The following PDE1A variants were observed in gnomAD, a reference collection of about 807,000 sequenced individuals.
PDE1A encodes the protein phosphodiesterase 1A.
Under a neutral mutation model 61.7 loss-of-function variants are expected in PDE1A, and 35 were observed. The ratio of observed to expected loss-of-function variants is 0.57; its 90% CI spans 0.43 to 0.75. The LOEUF is 0.75. PDE1A is among the 30% of genes least tolerant of loss of function. PDE1A has a pLI of 0.00. For synonymous variants in PDE1A, 232 were observed against 213.2 expected, an observed-to-expected ratio of 1.09 and a Z score of -0.77; for missense variants, 597 against 630.6, an observed-to-expected ratio of 0.95 and a Z score of 0.57.
At chr2:182,517,474 A>C (rs1559535204) in intron 2 of PDE1A, among the ~76,000 whole-genome samples, 1 of 152,192 alleles carries the variant, frequency 6.6e-6, no homozygotes, top group East Asian at 1.9e-4. Context: ...ATTGACTTAA[A>C]ATATTAATTG....
intron 2 of PDE1A, among the ~76,000 whole-genome samples, chr2:182,252,085 C>A (rs780762481): frequency 6.6e-6 from 1 of 152,056 alleles, no homozygotes; most frequent in African/African-American, 2.4e-5. Flanking sequence ...TATAGTGTGT[C>A]CTTCACAAAT....
At chr2:182,501,450 G>A (rs1263351451) in intron 2 of PDE1A, among the ~76,000 whole-genome samples, 2 of 152,172 alleles carry the variant, frequency 1.3e-5, no homozygotes, top group East Asian at 1.9e-4. Flanking sequence ...AGATCTGCCT[G>A]CTTTGTTTTC....
At chr2:182,531,690 T>G in the PDE1A span, among the ~76,000 whole-genome samples, 1 of 152,246 alleles carries the variant, frequency 6.6e-6, no homozygotes, top group African/African-American at 2.4e-5. Flanking sequence ...TATAGTCATA[T>G]AATCTAATAT....
chr2:182,159,994 AACACTTTATAT>A (rs1406657389), intron 13 of PDE1A, among the ~76,000 whole-genome samples: 9 of 152,170 alleles, frequency 5.9e-5, no homozygotes, highest in African/African-American at 1.7e-4. Context: ...CCAAGTTCTA[AACACTTTATAT>A]ACATTGACTC....
At chr2:182,448,061 C>T (rs1685258320) in intron 2 of PDE1A, among the ~76,000 whole-genome samples, 1 of 151,760 alleles carries the variant, frequency 6.6e-6, no homozygotes, top group South Asian at 2.1e-4. Context: ...CCAGTCATGC[C>T]TTATGATGAC....
the PDE1A span, among the ~76,000 whole-genome samples, chr2:182,577,441 C>T: frequency 6.6e-6 from 1 of 152,160 alleles, no homozygotes; most frequent in African/African-American, 2.4e-5. Context: ...TGGCAAAGCT[C>T]GGACAGCCAG....
intron 2 of PDE1A, among the ~76,000 whole-genome samples, chr2:182,503,321 C>T (rs995784031): frequency 1.3e-5 from 2 of 152,072 alleles, no homozygotes; most frequent in Non-Finnish European, 2.9e-5. Flanking sequence ...CTTTATTTTC[C>T]ACAAAATGGT....
chr2:182,462,473 T>C (rs1217379042), intron 2 of PDE1A, among the ~76,000 whole-genome samples: 1 of 152,034 alleles, frequency 6.6e-6, no homozygotes, highest in Non-Finnish European at 1.5e-5. Flanking sequence ...TAGGCTTGAT[T>C]GTGGAGAGGG....
intron 10 of PDE1A, among the ~76,000 whole-genome samples, chr2:182,191,143 C>T (rs1242861963): frequency 6.6e-6 from 1 of 151,844 alleles, no homozygotes; most frequent in Non-Finnish European, 1.5e-5. Context: ...TTTTTCCTAG[C>T]AAGGAATTGA....
At chr2:182,491,153 CA>C (rs1464037148) in intron 2 of PDE1A, among the ~76,000 whole-genome samples, 1 of 152,122 alleles carries the variant, frequency 6.6e-6, no homozygotes, top group African/African-American at 2.4e-5. Context: ...TGGTGGACAA[CA>C]AATAGGGTGC....
the PDE1A span, among the ~76,000 whole-genome samples, chr2:182,563,195 T>C: frequency 7.5e-3 from 1,138 of 152,286 alleles, 12 homozygotes; most frequent in Admixed American, 0.013. Context: ...GGGCATTTAG[T>C]GCTATAAATT....
At chr2:182,649,767 G>A in the PDE1A span, among the ~76,000 whole-genome samples, 10 of 151,948 alleles carry the variant, frequency 6.6e-5, no homozygotes, top group African/African-American at 2.2e-4. Context: ...CTGCCACCAC[G>A]TCCGGCTAAT....
chr2:182,176,605 T>C (rs1559140395), intron 13 of PDE1A, among the ~76,000 whole-genome samples: 1 of 149,102 alleles, frequency 6.7e-6, no homozygotes, highest in Non-Finnish European at 1.5e-5. Flanking sequence ...TGGGGTTTTC[T>C]AGATATACAA....
chr2:182,469,248 G>C (rs1686872796), intron 2 of PDE1A, among the ~76,000 whole-genome samples: 1 of 151,962 alleles, frequency 6.6e-6, no homozygotes, highest in Non-Finnish European at 1.5e-5. Flanking sequence ...AAAATCTGTT[G>C]TTTAGTGTAG....
At chr2:182,257,663 G>A (rs777883221) in intron 2 of PDE1A, among the ~76,000 whole-genome samples, 29 of 152,160 alleles carry the variant, frequency 1.9e-4, no homozygotes, top group Non-Finnish European at 4.0e-4. Context: ...TAACATAGGG[G>A]TTGATCCTTA....
intron 1 of PDE1A, among the ~76,000 whole-genome samples, chr2:182,352,945 T>C (rs1698974026): frequency 6.6e-6 from 1 of 152,140 alleles, no homozygotes; most frequent in Non-Finnish European, 1.5e-5. Flanking sequence ...ATGTGAGACA[T>C]ACATAAAAAT....
downstream of PDE1A, among the ~76,000 whole-genome samples, chr2:182,165,102 T>C (rs1488451899): frequency 6.6e-6 from 1 of 152,158 alleles, no homozygotes; most frequent in Non-Finnish European, 1.5e-5. Flanking sequence ...CAGAAGGTTG[T>C]ATATGTTCTG....
chr2:182,459,331 C>T (rs1686124948), intron 2 of PDE1A, among the ~76,000 whole-genome samples: 1 of 152,066 alleles, frequency 6.6e-6, no homozygotes, highest in Non-Finnish European at 1.5e-5. Flanking sequence ...TTATAAGCCT[C>T]CCCCTTGAGA....
At chr2:182,527,727 T>C (rs1690799013), upstream of PDE1A, among the ~76,000 whole-genome samples, 1 of 152,094 alleles carries the variant, frequency 6.6e-6, no homozygotes, top group Non-Finnish European at 1.5e-5. Context: ...TCATTTTGAA[T>C]TGTAGCTCCC....
Sources: gnomAD v4.1 joint callset for allele counts (sites outside exome capture counted in the v4.1 genomes callset) on GRCh38, gnomAD v4.1.1 for gene constraint, MANE v1.5 for transcripts, NCBI Gene and HGNC (gene_info 2026-07-23, HGNC 2026-07-21) for gene names.